TAX1BP1: variants seen among roughly 807,000 people sequenced by gnomAD.
The protein encoded by TAX1BP1 is Tax1 binding protein 1, also known as tax1-binding protein 1.
TAX1BP1 carries 62 observed loss-of-function variants against 97.7 expected under a neutral mutation model. The ratio of observed to expected loss-of-function variants is 0.63; its 90% CI spans 0.52 to 0.78. The LOEUF is 0.78. TAX1BP1 is among the 30% of genes least tolerant of loss of function. The pLI is 0.00. For synonymous variants in TAX1BP1, 340 were observed against 304.2 expected (o/e 1.12, Z -1.23); for missense variants, 867 against 916.1 (o/e 0.95, Z 0.69).
chr7:27,822,999 A>C (rs567165417), intron 15 of TAX1BP1, among the ~76,000 whole-genome samples: 55 of 152,284 alleles, frequency 3.6e-4, no homozygotes, highest in South Asian at 2.7e-3. Flanking sequence ...CAGATGTGCA[A>C]AATTATTTTT....
intron 13 of TAX1BP1, among the ~76,000 whole-genome samples, chr7:27,810,777 G>A (rs1192036156): frequency 1.3e-5 from 2 of 152,234 alleles, no homozygotes; most frequent in African/African-American, 4.8e-5. Flanking sequence ...CCCAGCTCCT[G>A]CTGCTCTTAA....
chr7:27,770,771 G>T (rs1788815950), intron 5 of TAX1BP1, among the ~76,000 whole-genome samples: 2 of 152,044 alleles, frequency 1.3e-5, no homozygotes, highest in African/African-American at 4.8e-5. Context: ...TCCTTGCTTT[G>T]TTCTATTTGT....
At chr7:27,817,842 T>C (rs1215187685) in intron 15 of TAX1BP1, among the ~76,000 whole-genome samples, 1 of 152,208 alleles carries the variant, frequency 6.6e-6, no homozygotes, top group East Asian at 1.9e-4. Flanking sequence ...TCATGACCTG[T>C]TTCTTATTTA....
intron 13 of TAX1BP1, among the ~76,000 whole-genome samples, chr7:27,812,381 A>AG (rs1225577597): frequency 6.6e-6 from 1 of 152,056 alleles, no homozygotes; most frequent in Non-Finnish European, 1.5e-5. Flanking sequence ...TATATATCCC[A>AG]GATATAATTC....
At chr7:27,759,488 C>T (rs1361695612) in intron 3 of TAX1BP1, among the ~76,000 whole-genome samples, 1 of 151,928 alleles carries the variant, frequency 6.6e-6, no homozygotes, top group Non-Finnish European at 1.5e-5. Flanking sequence ...TGTTTTTCTC[C>T]ATTAAAGTTG....
intron 15 of TAX1BP1, among the ~76,000 whole-genome samples, chr7:27,827,377 G>T (rs1454929050): frequency 1.3e-5 from 2 of 151,142 alleles, no homozygotes; most frequent in African/African-American, 4.9e-5. Context: ...GCAAAAAACT[G>T]GTCACCCAGT....
At chr7:27,744,934 T>C (rs905044903) in intron 1 of TAX1BP1, among the ~76,000 whole-genome samples, 3 of 152,138 alleles carry the variant, frequency 2.0e-5, no homozygotes, top group African/African-American at 7.2e-5. Context: ...CATAAAGAAA[T>C]TCTAGAGGCA....
At chr7:27,791,869 C>A in intron 8 of TAX1BP1, 137 bp from the exon 9 acceptor site, 1 of 717,890 alleles carries the variant, frequency 1.4e-6, no homozygotes, top group Non-Finnish European at 2.3e-6. Context: ...TTTTTGTAGG[C>A]ATATACTCTG....
At chr7:27,799,913 T>A (rs1363744771) in intron 12 of TAX1BP1, 52 bp from the exon 13 acceptor site, 1 of 1,462,630 alleles carries the variant, frequency 6.8e-7, no homozygotes, top group East Asian at 2.3e-5. Context: ...AGTATAGATT[T>A]TCACTCTACA....
intron 1 of TAX1BP1, among the ~76,000 whole-genome samples, chr7:27,742,426 C>T (rs1328357077): frequency 1.3e-5 from 2 of 152,232 alleles, no homozygotes; most frequent in African/African-American, 4.8e-5. Flanking sequence ...ACATCTTGCA[C>T]AACCCTTAAT....
In TAX1BP1 at chr7:27,816,374, C is replaced by T; in HGVS notation, c.1790C>T (p.Pro597Leu). The T allele has an allele frequency of 1.3e-6, 2 of 1,577,438 alleles. No homozygotes were observed. The highest frequency in any genetic ancestry group is 1.7e-4 in the Middle Eastern group (1 of 5,984). ...YKELKRSLENPAERKMEGQNS... is the reference protein window; with the variant it reads ...YKELKRSLENLAERKMEGQNS... Reference sequence around the variant, plus strand: ...GAACTTAAAAGGAGTCTAGAAAATCCAGCAGAAAGGAAAATGGAAGGTCAG... The same window carrying T: ...GAACTTAAAAGGAGTCTAGAAAATCTAGCAGAAAGGAAAATGGAAGGTCAG... The change falls in exon 14 of 17, where the codon CCA (proline) becomes CTA (leucine). Residue 597 changes from proline (P) to leucine (L), a missense_variant. Physicochemically the swap from Pro to Leu is moderately conservative, Grantham distance 98. Coordinates refer to ENST00000396319, the MANE Select transcript of TAX1BP1 (RefSeq NM_006024.7).
chr7:27,800,887 G>A (rs1790108915), intron 13 of TAX1BP1, among the ~76,000 whole-genome samples: 1 of 151,972 alleles, frequency 6.6e-6, no homozygotes, highest in Non-Finnish European at 1.5e-5. Flanking sequence ...GGCGGATCAC[G>A]AGGTCAGGAG....
intron 3 of TAX1BP1, among the ~76,000 whole-genome samples, chr7:27,762,217 T>G (rs1325811934): frequency 6.6e-6 from 1 of 152,204 alleles, no homozygotes; most frequent in Non-Finnish European, 1.5e-5. Flanking sequence ...AGATGTTTTT[T>G]GGATAAGGAA....
intron 12 of TAX1BP1, among the ~76,000 whole-genome samples, chr7:27,797,787 G>A (rs905798950): frequency 2.7e-5 from 4 of 149,886 alleles, no homozygotes; most frequent in Non-Finnish European, 4.4e-5. Context: ...TTTTTCTATA[G>A]AAATAGTATT....
intron 11 of TAX1BP1, among the ~76,000 whole-genome samples, chr7:27,795,172 A>T (rs1789871932): frequency 6.6e-6 from 1 of 152,206 alleles, no homozygotes; most frequent in Admixed American, 6.5e-5. Flanking sequence ...AACATCTTAG[A>T]CTATTAAATA....
At chr7:27,790,686 T>G (rs1430804161) in intron 8 of TAX1BP1, among the ~76,000 whole-genome samples, 1 of 152,108 alleles carries the variant, frequency 6.6e-6, no homozygotes. Context: ...GATAATTTTC[T>G]TGGAAACTTA....
intron 5 of TAX1BP1, among the ~76,000 whole-genome samples, chr7:27,781,842 C>A (rs192600726): frequency 1.4e-3 from 206 of 151,964 alleles, no homozygotes; most frequent in Non-Finnish European, 1.4e-3. Context: ...CCTCAGCCTC[C>A]GGAGTAACTG....
At chr7:27,760,286 ATATT>A (rs1202580205) in intron 3 of TAX1BP1, among the ~76,000 whole-genome samples, 1 of 152,162 alleles carries the variant, frequency 6.6e-6, no homozygotes, top group Non-Finnish European at 1.5e-5. Context: ...CTATACTAAA[ATATT>A]TATTTAATGA....
chr7:27,811,580 G>C (rs1011710323), intron 13 of TAX1BP1, among the ~76,000 whole-genome samples: 13 of 148,432 alleles, frequency 8.8e-5, no homozygotes, highest in African/African-American at 3.3e-4. Flanking sequence ...TAAGGCCTCT[G>C]GTTGATTTTT....
Sources: allele counts gnomAD v4.1 joint callset (sites outside exome capture counted in the v4.1 genomes callset), GRCh38; gene constraint gnomAD v4.1.1; transcripts MANE v1.5; gene names NCBI Gene and HGNC (gene_info 2026-07-23, HGNC 2026-07-21).